The following PCDHA8 variants were observed in gnomAD, a reference collection of about 807,000 sequenced individuals.
The protein encoded by PCDHA8 is protocadherin alpha 8.
Under a neutral mutation model 61.8 loss-of-function variants are expected in PCDHA8, and 53 were observed. The observed-to-expected ratio is 0.86, with a 90% confidence interval of 0.69 to 1.08. The LOEUF (loss-of-function observed/expected upper bound fraction) is 1.08. Ranked by LOEUF, PCDHA8 falls within the 50% of genes least tolerant of loss-of-function variation. The pLI is 0.00. For missense variants in PCDHA8, 1,293 were observed against 1,245.0 expected (o/e 1.04, Z -0.58); for synonymous variants, 618 against 556.6 (o/e 1.11, Z -1.55).
intron 1 of PCDHA8, chr5:140,927,600 C>T (rs1179735453): frequency 1.9e-6 from 3 of 1,614,042 alleles, no homozygotes; most frequent in African/African-American, 1.3e-5. Flanking sequence ...TTGAGCGCTC[C>T]GTATACCGCA....
At chr5:140,893,381 A>G (rs755671273) in intron 1 of PCDHA8, among the ~76,000 whole-genome samples, 11 of 152,190 alleles carry the variant, frequency 7.2e-5, no homozygotes, top group Non-Finnish European at 1.6e-4. Context: ...TTTATGGGAC[A>G]GTGGCTCATG....
At chr5:140,995,410 T>C (rs555899259) in intron 3 of PCDHA8, among the ~76,000 whole-genome samples, 1 of 152,310 alleles carries the variant, frequency 6.6e-6, no homozygotes, top group Non-Finnish European at 1.5e-5. Flanking sequence ...CGAGATTTCA[T>C]CACATTACTC....
chr5:141,004,809 C>A (rs1319049687), intron 3 of PCDHA8, among the ~76,000 whole-genome samples: 1 of 152,144 alleles, frequency 6.6e-6, no homozygotes. Context: ...AGCTCAATTG[C>A]AGATTTGATT....
Position 140,842,067 on chromosome 5 carries a change from T to G in PCDHA8, c.746T>G (p.Val249Gly). The G allele has an allele frequency of 6.2e-7, 1 of 1,613,874 alleles. No individual in the cohort carries two copies. Among genetic ancestry groups the G allele is most frequent in the Non-Finnish European group, 8.5e-7 (1 of 1,179,874 alleles). Residue 249 changes from valine (V) to glycine (G), a missense_variant, in exon 1 of 4, where the codon GTA becomes GGA. Transcript: ENST00000531613. ...ACTTTCGAACAGTCTGAATACGAAG[T>G]AAGAATATTCGAAAACGCAGACAAC... Reference protein sequence around the residue: ...APTFEQSEYEVRIFENADNGT... With the variant: ...APTFEQSEYEGRIFENADNGT...
chr5:140,842,387 T>A lies in PCDHA8; in HGVS notation c.1066T>A (p.Ser356Thr), dbSNP rs2150335066. Residue 356 changes from serine to threonine, a missense_variant, in exon 1 of 4, where the codon TCC becomes ACC. Physicochemically the swap from Ser to Thr is moderately conservative, Grantham distance 58 (BLOSUM62 1). Coordinates refer to ENST00000531613, the MANE Select transcript of PCDHA8 (RefSeq NM_018911.3). ...CCCTGAGATAGCACTGACTTCCTTA[T>A]CCTTGCCTGTACGTGAAGACGCTCA... ...NVPEIALTSL[S>T]LPVREDAQFG... The A allele has an allele frequency of 8.7e-6, 14 of 1,611,016 alleles. 1 individual carries two copies. The South Asian group carries it at 1.4e-4, about 16-fold the overall frequency.
rs1554206642 is a variant in PCDHA8, at chr5:140,929,061, G to C, written c.2395-49888G>C. The C allele has an allele frequency of 3.1e-6, 5 of 1,614,196 alleles. No individual in the cohort carries two copies. In the South Asian group the frequency reaches 5.5e-5, roughly 18 times the overall value. On this transcript the variant is annotated intron_variant, in intron 1 of 3. Transcript: ENST00000531613. Reference sequence around the variant, plus strand: ...CTCAGAGCTGCTGTCGCTCTACAGAGGATCTGAGGTATGGAAGTAAGATGG... The same window carrying C: ...CTCAGAGCTGCTGTCGCTCTACAGACGATCTGAGGTATGGAAGTAAGATGG...
At chr5:140,904,818 G>A (rs1186696681) in intron 1 of PCDHA8, among the ~76,000 whole-genome samples, 1 of 152,070 alleles carries the variant, frequency 6.6e-6, no homozygotes, top group Non-Finnish European at 1.5e-5. Flanking sequence ...GTGATGTTGA[G>A]CATTTTTTTA....
intron 1 of PCDHA8, chr5:140,865,048 T>A (rs2048709545): frequency 1.3e-5 from 2 of 152,178 alleles, no homozygotes; most frequent in Admixed American, 1.3e-4. Flanking sequence ...AAAAATGTCA[T>A]TGTTTTTAAT....
intron 1 of PCDHA8, among the ~76,000 whole-genome samples, chr5:140,977,356 T>C (rs1563455891): frequency 6.6e-6 from 1 of 152,250 alleles, no homozygotes; most frequent in African/African-American, 2.4e-5. Flanking sequence ...GACTGATTGA[T>C]AAAAAGTATT....
In PCDHA8 at chr5:141,000,327, C is replaced by G. The variant is rs555445425; in HGVS notation, c.2543-9300C>G. On this transcript the variant is annotated intron_variant, in intron 3 of 3. Coordinates refer to ENST00000531613, the MANE Select transcript of PCDHA8 (RefSeq NM_018911.3). ...GAGTTCAAGACCAGCTTGGGCAACA[C>G]AGCAAGGCCCTATCTCTCTCTCTGT... is the stretch of plus-strand genomic sequence containing the variant. 3.5e-5 allele frequency among the ~76,000 whole-genome samples: 5 copies of G among 144,706 alleles called. No homozygotes were observed. The South Asian group carries it at 1.1e-3, about 32-fold the overall frequency. 94.9% of individuals were successfully genotyped at this position (144,706 alleles called of 152,430 possible). A position where few individuals can be genotyped will look rare whatever the true frequency, so the allele number is the denominator to read the frequency against.
intron 1 of PCDHA8, chr5:140,883,291 A>G: frequency 6.2e-7 from 1 of 1,614,118 alleles, no homozygotes; most frequent in Non-Finnish European, 8.5e-7. Flanking sequence ...TGGAAGTACT[A>G]GATGTAAATG....
chr5:140,870,085 C>A, intron 1 of PCDHA8: 1 of 1,613,862 alleles, frequency 6.2e-7, no homozygotes, highest in Non-Finnish European at 8.5e-7. Context: ...GGGGACTCCC[C>A]CAATGGCAGG....
chr5:140,841,803 A>C lies in PCDHA8; in HGVS notation c.482A>C (p.Asp161Ala), dbSNP rs1311079057. ...CCGCTAGAGGGCGCGTCCGATGCAG[A>C]TGTTGGAGCTAACTCCGTGTTAACC... is the stretch of plus-strand genomic sequence containing the variant. Reference protein sequence around the residue: ...RFPLEGASDADVGANSVLTYR... With the variant: ...RFPLEGASDAAVGANSVLTYR... Residue 161 changes from aspartate (D) to alanine (A), a missense_variant, in exon 1 of 4, where the codon GAT becomes GCT. Coordinates refer to ENST00000531613, the MANE Select transcript of PCDHA8 (RefSeq NM_018911.3). 6.2e-7 allele frequency: 1 copy of C among 1,613,804 alleles called. No individual in the cohort carries two copies. Among genetic ancestry groups the C allele is most frequent in the African/African-American group, 1.3e-5 (1 of 74,856 alleles).
chr5:140,924,996 T>G (rs960105846), intron 1 of PCDHA8, among the ~76,000 whole-genome samples: 1 of 151,078 alleles, frequency 6.6e-6, no homozygotes, highest in African/African-American at 2.4e-5. Flanking sequence ...ATCCTAGCAC[T>G]TTAGGAGGCT....
chr5:140,925,108 G>GGAAGGAAGGAAGGAAGGAA (rs1554202548), intron 1 of PCDHA8, among the ~76,000 whole-genome samples: 8 of 124,780 alleles, frequency 6.4e-5, no homozygotes, highest in South Asian at 4.6e-4. Context: ...GAAGGAAGGA[G>GGAAGGAAGGAAGGAAGGAA]GGAAGGAAGG....
At chr5:140,969,221 C>A (rs1222433541) in intron 1 of PCDHA8, 1 of 1,614,040 alleles carries the variant, frequency 6.2e-7, no homozygotes, top group African/African-American at 1.3e-5. Context: ...AGGACCAGGG[C>A]CTTCGGGAGC....
rs1423136904 is a variant in PCDHA8 at position 140,966,615 on chromosome 5, G to A, written c.2395-12334G>A. 1.0e-5 allele frequency: 8 copies of A among 773,600 alleles called. No individual in the cohort carries two copies. In the Admixed American group the frequency reaches 1.2e-4, roughly 12 times the overall value. The allele number at this position is 773,600 out of a possible 1,614,324, so 47.9% of individuals were successfully genotyped here. A position where few individuals can be genotyped will look rare whatever the true frequency, so the allele number is the denominator to read the frequency against. On this transcript the variant is annotated intron_variant, in intron 1 of 3. Transcript: ENST00000531613. The stretch of plus-strand genomic sequence containing the variant: ...GCCAGGAGCCCTTGGGAGGGCCTAC[G>A]GAGGGAGCGGCCCCAGGCGCTTTCT...
chr5:140,891,767 A>C (rs1350557618), intron 1 of PCDHA8, among the ~76,000 whole-genome samples: 2 of 152,156 alleles, frequency 1.3e-5, no homozygotes, highest in African/African-American at 2.4e-5. Context: ...GAGGTGGGGA[A>C]TTTCAGGAAA....
chr5:140,985,930 G>A (rs577670490), intron 3 of PCDHA8, among the ~76,000 whole-genome samples: 1 of 151,914 alleles, frequency 6.6e-6, no homozygotes, highest in East Asian at 1.9e-4. Flanking sequence ...TAGTAGAGCC[G>A]GGGTTTCACT....
Sources: gnomAD v4.1 joint callset for allele counts (sites outside exome capture counted in the v4.1 genomes callset) on GRCh38, gnomAD v4.1.1 for gene constraint, MANE v1.5 for transcripts, NCBI Gene and HGNC (gene_info 2026-07-23, HGNC 2026-07-21) for gene names.